Variants in SLC71A1 observed in about 807,000 individuals in gnomAD.
SLC71A1 encodes solute carrier family 71 member 1.
the SLC71A1 span, among the ~76,000 whole-genome samples, chr1:100,062,914 T>TTAA: frequency 8.6e-6 from 1 of 116,180 alleles, no homozygotes; most frequent in African/African-American, 3.3e-5. Flanking sequence ...TGTCTCTATT[T>TTAA]AAAAAAAAAA....
chr1:100,067,891 CATAA>C, the SLC71A1 span: 1 of 1,046,682 alleles, frequency 9.6e-7, no homozygotes, highest in African/African-American at 1.6e-5. Flanking sequence ...GAAGGCCTGA[CATAA>C]ATCAAGATTA....
At chr1:100,072,267 C>G in the SLC71A1 span, among the ~76,000 whole-genome samples, 2 of 152,176 alleles carry the variant, frequency 1.3e-5, no homozygotes, top group African/African-American at 2.4e-5. Flanking sequence ...CTGCTAATAG[C>G]TCTCCATTAA....
chr1:100,075,235 C>T, the SLC71A1 span, among the ~76,000 whole-genome samples: 2 of 152,358 alleles, frequency 1.3e-5, no homozygotes, highest in African/African-American at 4.8e-5. Flanking sequence ...AGTTGATGCT[C>T]AGCCTTCTTC....
the SLC71A1 span, chr1:100,078,692 T>G: frequency 6.9e-6 from 4 of 580,546 alleles, no homozygotes; most frequent in Admixed American, 3.0e-5. Flanking sequence ...GAAAAGCAGA[T>G]TCTAGGGTAT....
At chr1:100,045,302 C>G in the SLC71A1 span, among the ~76,000 whole-genome samples, 1 of 151,974 alleles carries the variant, frequency 6.6e-6, no homozygotes, top group Non-Finnish European at 1.5e-5. Flanking sequence ...TCAGCTTTGT[C>G]GTTGCTGGAA....
chr1:100,081,637 A>G, the SLC71A1 span, among the ~76,000 whole-genome samples: 2 of 152,124 alleles, frequency 1.3e-5, no homozygotes, highest in African/African-American at 4.8e-5. Flanking sequence ...CAGCCTCCCA[A>G]AGTGCTGGGA....
chr1:100,038,398 G>T, the SLC71A1 span: 1 of 1,179,610 alleles, frequency 8.5e-7, no homozygotes, highest in Non-Finnish European at 1.2e-6. Context: ...GCCGTCTCTA[G>T]GCGTCCCGGT....
the SLC71A1 span, chr1:100,077,197 T>G: frequency 6.4e-7 from 1 of 1,566,362 alleles, no homozygotes; most frequent in South Asian, 1.2e-5. Context: ...TGAGGTCAAT[T>G]GGAAATAAGA....
the SLC71A1 span, chr1:100,043,268 A>T: frequency 1.3e-6 from 1 of 779,148 alleles, no homozygotes; most frequent in East Asian, 1.3e-4. Flanking sequence ...AAAAGTTTCA[A>T]TTATAAGGAA....
chr1:100,049,336 TTTG>T, the SLC71A1 span, among the ~76,000 whole-genome samples: 3 of 151,230 alleles, frequency 2.0e-5, no homozygotes, highest in African/African-American at 7.3e-5. Flanking sequence ...TTTTTTTTTT[TTTG>T]GTTACATCTT....
the SLC71A1 span, among the ~76,000 whole-genome samples, chr1:100,068,955 C>A: frequency 6.6e-6 from 1 of 151,944 alleles, no homozygotes; most frequent in Non-Finnish European, 1.5e-5. Flanking sequence ...TCACTCCAGC[C>A]TGGGTAACAA....
At chr1:100,073,229 G>A in the SLC71A1 span, among the ~76,000 whole-genome samples, 4 of 152,180 alleles carry the variant, frequency 2.6e-5, no homozygotes, top group Admixed American at 6.5e-5. Context: ...CTGAGCCGTG[G>A]CCATATCTTC....
the SLC71A1 span, among the ~76,000 whole-genome samples, chr1:100,038,660 C>T: frequency 6.6e-5 from 10 of 152,222 alleles, no homozygotes; most frequent in South Asian, 2.1e-4. Flanking sequence ...CCGCGCCCCT[C>T]GTCGCCGCAG....
the SLC71A1 span, chr1:100,079,511 A>T: frequency 6.6e-6 from 1 of 152,254 alleles, no homozygotes; most frequent in Non-Finnish European, 1.5e-5. Context: ...ATGAGGAAGG[A>T]AAGGCCTATG....
chr1:100,069,157 G>C, the SLC71A1 span, among the ~76,000 whole-genome samples: 1 of 152,118 alleles, frequency 6.6e-6, no homozygotes, highest in Admixed American at 6.6e-5. Flanking sequence ...GGTGGTTTGA[G>C]TTTGTTGGCT....
chr1:100,067,953 CTG>C, the SLC71A1 span: 9 of 1,601,110 alleles, frequency 5.6e-6, no homozygotes, highest in Non-Finnish European at 7.7e-6. Context: ...TGACTAATCT[CTG>C]TCTATCCTTA....
At chr1:100,078,056 G>A in the SLC71A1 span, among the ~76,000 whole-genome samples, 1 of 152,126 alleles carries the variant, frequency 6.6e-6, no homozygotes, top group Non-Finnish European at 1.5e-5. Context: ...TCAAATCAGC[G>A]ATATCTTCAC....
At chr1:100,074,052 T>A in the SLC71A1 span, among the ~76,000 whole-genome samples, 22 of 152,182 alleles carry the variant, frequency 1.4e-4, no homozygotes, top group Non-Finnish European at 2.6e-4. Flanking sequence ...AAGAGAAAAG[T>A]TCCTGCCTTC....
At chr1:100,059,144 G>GGTTTTTTTTTT in the SLC71A1 span, among the ~76,000 whole-genome samples, 2 of 75,416 alleles carry the variant, frequency 2.7e-5, no homozygotes, top group African/African-American at 1.2e-4. Flanking sequence ...TCTTTTTCGT[G>GGTTTTTTTTTT]TTTTTTTTTT....
Sources: allele counts gnomAD v4.1 joint callset (sites outside exome capture counted in the v4.1 genomes callset), GRCh38; gene constraint gnomAD v4.1.1; transcripts MANE v1.5; gene names NCBI Gene and HGNC (gene_info 2026-07-23, HGNC 2026-07-21).